ALK: variants seen among roughly 807,000 people sequenced by gnomAD.
ALK encodes the protein ALK tyrosine kinase receptor.
In ALK, 74 loss-of-function variants were observed where a neutral mutation model predicts 163.1. That is an observed-to-expected ratio of 0.45 (90% confidence interval 0.38 to 0.55). The LOEUF is 0.55. ALK is among the 20% of genes least tolerant of loss of function. ALK has a pLI of 0.00. For missense variants in ALK, 2,063 were observed against 2,105.3 expected (o/e 0.98, Z 0.39); for synonymous variants, 960 against 843.2 (o/e 1.14, Z -2.40).
intron 4 of ALK, among the ~76,000 whole-genome samples, chr2:29,391,087 C>T (rs1419987644): frequency 6.6e-6 from 1 of 152,116 alleles, no homozygotes; most frequent in Non-Finnish European, 1.5e-5. Context: ...CCTGGGGCTG[C>T]AGGCCTGCTT....
chr2:29,244,716 GC>G (rs1664613485), intron 12 of ALK, among the ~76,000 whole-genome samples: 1 of 152,232 alleles, frequency 6.6e-6, no homozygotes, highest in Admixed American at 6.5e-5. Context: ...TCTGCCTGCA[GC>G]CCATCCATCT....
At chr2:29,300,030 G>T (rs1253003407) in intron 8 of ALK, among the ~76,000 whole-genome samples, 1 of 152,212 alleles carries the variant, frequency 6.6e-6, no homozygotes, top group East Asian at 1.9e-4. Context: ...GGCAGAACAA[G>T]GCAAGGTGGC....
At chr2:29,858,302 G>C (rs776518862) in intron 1 of ALK, among the ~76,000 whole-genome samples, 6 of 152,028 alleles carry the variant, frequency 3.9e-5, no homozygotes, top group Non-Finnish European at 8.8e-5. Context: ...TGGAACCGTA[G>C]GCACTCTAAC....
intron 2 of ALK, among the ~76,000 whole-genome samples, chr2:29,706,131 A>T (rs1024489364): frequency 1.3e-5 from 2 of 152,180 alleles, no homozygotes; most frequent in African/African-American, 4.8e-5. Context: ...CATCTGTAAA[A>T]TGGAGTGGGG....
chr2:29,916,896 T>C (rs956701197), intron 1 of ALK, among the ~76,000 whole-genome samples: 1 of 152,174 alleles, frequency 6.6e-6, no homozygotes, highest in Non-Finnish European at 1.5e-5. Context: ...GAACCATTAA[T>C]ACAGTCCCAG....
Position 29,813,351 on chromosome 2 carries a change from A to G in ALK, c.668-95654T>C, listed in dbSNP as rs538846964. ...CAGTCTGGGCAGTAAGTGCCCAAGA[A>G]AGATGCAGCAGAGATGTCACAAGCT... On this transcript the variant is annotated intron_variant, in intron 1 of 28. Coordinates refer to ENST00000389048, the MANE Select transcript of ALK (RefSeq NM_004304.5). Among the ~76,000 whole-genome samples the G allele has an allele frequency of 4.6e-5, 7 of 152,326 alleles. No individual in the cohort carries two copies. In the South Asian group the frequency reaches 8.3e-4, roughly 18 times the overall value.
At chr2:29,550,489 T>C (rs1340949750) in intron 3 of ALK, among the ~76,000 whole-genome samples, 1 of 152,206 alleles carries the variant, frequency 6.6e-6, no homozygotes, top group East Asian at 1.9e-4. Context: ...TCTGATCTTG[T>C]TGCTGATTCC....
chr2:29,920,333 G>A lies in ALK; in HGVS notation c.327C>T (p.Ser109=), dbSNP rs769422234. Residue 109 remains serine, a synonymous_variant, in exon 1 of 29, where the codon TCC becomes TCT. Coordinates refer to ENST00000389048, the MANE Select transcript of ALK (RefSeq NM_004304.5). ...CCGGGGCTGGTGAACCGGCGGTCCAGGAGACCCCCGGCGCCGGCCCCAGCA... is the reference window on the plus strand; with the variant it reads ...CCGGGGCTGGTGAACCGGCGGTCCAAGAGACCCCCGGCGCCGGCCCCAGCA... ...LRLLGPAPGV[S]WTAGSPAPAE... is the part of the protein sequence containing the mutation. 3 of 1,551,716 alleles carry A rather than the reference G, an allele frequency of 1.9e-6. No individual in the cohort carries two copies. The highest frequency in any genetic ancestry group is 1.4e-5 in the African/African-American group (1 of 73,262).
Position 29,261,804 on chromosome 2 carries a change from CGTGT to C in ALK, c.2042-10541_2042-10538del, listed in dbSNP as rs756426655. 6.8e-4 allele frequency among the ~76,000 whole-genome samples: 104 copies of C among 152,136 alleles called. 1 individual carries two copies. The highest frequency in any genetic ancestry group is 3.1e-3 in the Admixed American group (47 of 15,278). On this transcript the variant is annotated intron_variant, in intron 11 of 28. Coordinates refer to ENST00000389048, the MANE Select transcript of ALK (RefSeq NM_004304.5). ...CTCTCGGTACTGCAGCATGTCCACC[CGTGT>C]TTAATCTTACTTTACCTCTAAGATC...
chr2:29,461,828 G>C (rs184247746), intron 4 of ALK, among the ~76,000 whole-genome samples: 190 of 152,118 alleles, frequency 1.2e-3, no homozygotes, highest in African/African-American at 4.4e-3. Flanking sequence ...TAGGCTGTAA[G>C]TGCCATAGAT....
intron 3 of ALK, among the ~76,000 whole-genome samples, chr2:29,552,538 T>C (rs1275219884): frequency 6.6e-6 from 1 of 152,182 alleles, no homozygotes; most frequent in Non-Finnish European, 1.5e-5. Flanking sequence ...AAAAAAATAA[T>C]AGACAAACTA....
At chr2:29,379,351 G>A (rs896256343) in intron 5 of ALK, among the ~76,000 whole-genome samples, 5 of 152,182 alleles carry the variant, frequency 3.3e-5, no homozygotes, top group Admixed American at 6.5e-5. Context: ...TATAAAAGAA[G>A]GTGCAGCATT....
At chr2:29,508,970 T>G (rs1202181094) in intron 4 of ALK, among the ~76,000 whole-genome samples, 1 of 151,992 alleles carries the variant, frequency 6.6e-6, no homozygotes, top group Non-Finnish European at 1.5e-5. Context: ...TCTAATTCAG[T>G]GTGTATTTTT....
chr2:29,683,442 G>C (rs564974241), intron 3 of ALK, among the ~76,000 whole-genome samples: 64 of 152,106 alleles, frequency 4.2e-4, no homozygotes, highest in Admixed American at 3.3e-3. Context: ...CACCAGTAAG[G>C]ATCCCAAAGC....
chr2:29,283,457 G>C (rs1351013174), intron 9 of ALK, among the ~76,000 whole-genome samples: 1 of 152,126 alleles, frequency 6.6e-6, no homozygotes, highest in Non-Finnish European at 1.5e-5. Flanking sequence ...TGCTGTGTTG[G>C]CTTGCGGCTT....
At chr2:29,782,531 C>T (rs892207887) in intron 1 of ALK, among the ~76,000 whole-genome samples, 1 of 152,180 alleles carries the variant, frequency 6.6e-6, no homozygotes, top group Non-Finnish European at 1.5e-5. Context: ...CCAGCGTTAA[C>T]CCCGCCCCAC....
chr2:29,321,489 A>G (rs951888610), intron 6 of ALK, among the ~76,000 whole-genome samples: 1 of 152,244 alleles, frequency 6.6e-6, no homozygotes, highest in Non-Finnish European at 1.5e-5. Flanking sequence ...TTAAGTGAAG[A>G]CATATGATGT....
intron 5 of ALK, among the ~76,000 whole-genome samples, chr2:29,380,665 C>T (rs531215476): frequency 6.6e-6 from 1 of 152,182 alleles, no homozygotes; most frequent in East Asian, 1.9e-4. Flanking sequence ...AACTCCCGAC[C>T]TCAGGTAATC....
chr2:29,746,481 T>C (rs900035123), intron 1 of ALK, among the ~76,000 whole-genome samples: 11 of 152,198 alleles, frequency 7.2e-5, no homozygotes, highest in Admixed American at 1.3e-4. Flanking sequence ...GCAACAAAGT[T>C]TGGCTTTGCT....
Sources: gnomAD v4.1 joint callset for allele counts (sites outside exome capture counted in the v4.1 genomes callset) on GRCh38, gnomAD v4.1.1 for gene constraint, MANE v1.5 for transcripts, NCBI Gene and HGNC (gene_info 2026-07-23, HGNC 2026-07-21) for gene names.